The following DSCAM variants were observed in gnomAD, a reference collection of about 807,000 sequenced individuals.
DSCAM encodes the protein DS cell adhesion molecule.
Under a neutral mutation model 217.7 loss-of-function variants are expected in DSCAM, and 47 were observed. The ratio of observed to expected loss-of-function variants is 0.22; its 90% CI spans 0.17 to 0.28. The LOEUF is 0.28. Among genes scored for constraint, DSCAM ranks in the 10% least tolerant of loss-of-function variants. The pLI, the probability that DSCAM is intolerant of heterozygous loss-of-function variation, is 1.00. For missense variants in DSCAM, 2,080 were observed against 2,618.3 expected (o/e 0.79, Z 4.49); for synonymous variants, 1,056 against 1,015.3 (o/e 1.04, Z -0.76).
intron 17 of DSCAM, 21 bp from the exon 18 acceptor site, chr21:40,142,725 T>A (rs745643420): frequency 6.2e-7 from 1 of 1,611,376 alleles, no homozygotes; most frequent in East Asian, 2.2e-5. Flanking sequence ...ATAATTAGAA[T>A]CTGTAATAAC....
At chr21:40,668,486 G>T (rs2090230055) in intron 3 of DSCAM, among the ~76,000 whole-genome samples, 1 of 152,200 alleles carries the variant, frequency 6.6e-6, no homozygotes, top group South Asian at 2.1e-4. Context: ...CACCCAGGGG[G>T]TTGTAATGAA....
chr21:40,329,820 A>C lies in DSCAM; in HGVS notation c.1783+8281T>G, dbSNP rs2074357388. 2.6e-5 allele frequency among the ~76,000 whole-genome samples: 4 copies of C among 152,194 alleles called. No homozygotes were observed. The South Asian group carries it at 8.3e-4, about 32-fold the overall frequency. Reference sequence around the variant, plus strand: ...AGGCAAATACCACATCATCTAACTCATATATGCAATCTAAAAAGGTTGATC... The same window carrying C: ...AGGCAAATACCACATCATCTAACTCCTATATGCAATCTAAAAAGGTTGATC... On this transcript the variant is annotated intron_variant, in intron 8 of 32. Coordinates refer to ENST00000400454, the MANE Select transcript of DSCAM (RefSeq NM_001389.5).
intron 2 of DSCAM, among the ~76,000 whole-genome samples, chr21:40,701,533 A>T (rs28792415): frequency 6.6e-6 from 1 of 152,066 alleles, no homozygotes; most frequent in South Asian, 2.1e-4. Flanking sequence ...AGACTTTTTT[A>T]AAAATTTCTA....
intron 1 of DSCAM, among the ~76,000 whole-genome samples, chr21:40,758,283 G>A (rs1250683003): frequency 6.6e-6 from 1 of 152,170 alleles, no homozygotes; most frequent in Non-Finnish European, 1.5e-5. Flanking sequence ...GTGGCACTTT[G>A]TTACGGCTGT....
intron 3 of DSCAM, among the ~76,000 whole-genome samples, chr21:40,591,128 T>C (rs2076981555): frequency 6.6e-6 from 1 of 152,198 alleles, no homozygotes; most frequent in African/African-American, 2.4e-5. Flanking sequence ...TTGGTAGAAC[T>C]TCCTGCATTC....
chr21:40,461,364 G>A (rs1458944739), intron 3 of DSCAM, among the ~76,000 whole-genome samples: 2 of 152,178 alleles, frequency 1.3e-5, no homozygotes, highest in East Asian at 3.9e-4. Flanking sequence ...CCTTTTCCAG[G>A]ACCTGGCACA....
chr21:40,287,958 G>T (rs957031786), intron 10 of DSCAM, among the ~76,000 whole-genome samples: 1 of 152,210 alleles, frequency 6.6e-6, no homozygotes, highest in Non-Finnish European at 1.5e-5. Context: ...AGGAAAAGGG[G>T]CAGGGAGAAA....
At chr21:40,526,550 G>A (rs763107779) in intron 3 of DSCAM, among the ~76,000 whole-genome samples, 1 of 152,124 alleles carries the variant, frequency 6.6e-6, no homozygotes, top group Non-Finnish European at 1.5e-5. Context: ...AGGATGGGGT[G>A]AGAGATGGCA....
At chr21:40,142,302 GA>G (rs34283863) in intron 18 of DSCAM, among the ~76,000 whole-genome samples, 65,659 of 152,066 alleles carry the variant, frequency 0.43, 17,210 homozygotes, top group South Asian at 0.59. Context: ...ACATAATTAG[GA>G]AAATACATCC....
At chr21:40,360,013 G>T (rs539865922) in intron 4 of DSCAM, among the ~76,000 whole-genome samples, 14 of 150,144 alleles carry the variant, frequency 9.3e-5, no homozygotes, top group African/African-American at 3.2e-4. Flanking sequence ...TTTTATTTTA[G>T]ATATAGGCGG....
rs377358215 is a variant in DSCAM at position 40,169,595 on chromosome 21, A to T, written c.2948-2307T>A. On this transcript the variant is annotated intron_variant, in intron 15 of 32. Coordinates refer to ENST00000400454, the MANE Select transcript of DSCAM (RefSeq NM_001389.5). Reference sequence around the variant, plus strand: ...CGGGACTGGGAGAGAATGATACTATAAGAATGCCAAGAAACGAAGCCGATT... The same window carrying T: ...CGGGACTGGGAGAGAATGATACTATTAGAATGCCAAGAAACGAAGCCGATT... Among the ~76,000 whole-genome samples, 22 of 152,304 alleles carry T rather than the reference A, an allele frequency of 1.4e-4. No homozygotes were observed. The East Asian group carries it at 3.7e-3, about 25-fold the overall frequency.
In DSCAM at chr21:40,094,495, G is replaced by C. The variant is rs142345447; in HGVS notation, c.3697-621C>G. On this transcript the variant is annotated intron_variant, in intron 20 of 32. Coordinates refer to ENST00000400454, the MANE Select transcript of DSCAM (RefSeq NM_001389.5). ...AGGACAAGCTCTGGAGATTGAAGAG[G>C]GTCCTACTTGGGTATTCAGCTGAGC... is the stretch of plus-strand genomic sequence containing the variant. 6.0e-3 allele frequency among the ~76,000 whole-genome samples: 914 copies of C among 152,194 alleles called. 8 individuals carry two copies. The highest frequency in any genetic ancestry group is 0.02 in the African/African-American group (851 of 41,530).
intron 25 of DSCAM, 146 bp downstream of exon 25, chr21:40,080,003 CATT>C (rs958988993): frequency 1.5e-6 from 1 of 676,616 alleles, no homozygotes; most frequent in Non-Finnish European, 2.4e-6. Flanking sequence ...CTGTCCCTCT[CATT>C]ATGCCGTGGC....
At chr21:40,249,105 A>G (rs917761850) in intron 11 of DSCAM, among the ~76,000 whole-genome samples, 1 of 152,316 alleles carries the variant, frequency 6.6e-6, no homozygotes, top group South Asian at 2.1e-4. Context: ...AGAGATTTGG[A>G]TGGGGGCACA....
At chr21:40,046,832 A>G (rs898432570) in intron 30 of DSCAM, among the ~76,000 whole-genome samples, 1 of 151,664 alleles carries the variant, frequency 6.6e-6, no homozygotes, top group African/African-American at 2.4e-5. Context: ...ATTTCCTCCA[A>G]TCCCCCAAAC....
At chr21:40,603,679 T>C (rs1210158764) in intron 3 of DSCAM, among the ~76,000 whole-genome samples, 1 of 152,190 alleles carries the variant, frequency 6.6e-6, no homozygotes, top group East Asian at 1.9e-4. Context: ...AGAAACATTA[T>C]GTAGACAGAG....
At chr21:40,816,277 A>G (rs531462243) in intron 1 of DSCAM, among the ~76,000 whole-genome samples, 4 of 152,300 alleles carry the variant, frequency 2.6e-5, no homozygotes, top group African/African-American at 9.6e-5. Context: ...GTGATGATGA[A>G]TTTGAGGTGT....
At chr21:40,376,911 A>G (rs1006432561) in intron 3 of DSCAM, among the ~76,000 whole-genome samples, 2 of 152,000 alleles carry the variant, frequency 1.3e-5, no homozygotes, top group African/African-American at 4.8e-5. Flanking sequence ...TCAAAAATTT[A>G]TGTTAATGTC....
intron 3 of DSCAM, among the ~76,000 whole-genome samples, chr21:40,675,014 A>AACACACACACACAC (rs375640720): frequency 8.4e-4 from 108 of 129,140 alleles, no homozygotes; most frequent in African/African-American, 2.6e-3. Flanking sequence ...TCATTATATA[A>AACACACACACACAC]ACACACACAC....
Sources: gnomAD v4.1 joint callset for allele counts (sites outside exome capture counted in the v4.1 genomes callset) on GRCh38, gnomAD v4.1.1 for gene constraint, MANE v1.5 for transcripts, NCBI Gene and HGNC (gene_info 2026-07-23, HGNC 2026-07-21) for gene names.